CCDC171: variants seen among roughly 807,000 people sequenced by gnomAD.
CCDC171 encodes the protein coiled-coil domain-containing protein 171.
In CCDC171, 177 loss-of-function variants were observed where a neutral mutation model predicts 168.2. The ratio of observed to expected loss-of-function variants is 1.05; its 90% confidence interval spans 0.93 to 1.19. The LOEUF (loss-of-function observed/expected upper bound fraction) is 1.19, where lower values mean the gene tolerates loss of function less well. CCDC171 is among the 50% of genes most tolerant of loss of function. The probability of loss-of-function intolerance (pLI) is 0.00; values close to 1 mark genes in which losing one functional copy is unlikely to be tolerated. For missense variants in CCDC171, 1,991 were observed against 1,539.0 expected (o/e 1.29, Z -4.91); for synonymous variants, 687 against 540.8 (o/e 1.27, Z -3.75).
chr9:16,000,624 T>C (rs947244592), intron 3 of CCDC171, among the ~76,000 whole-genome samples: 3 of 152,154 alleles, frequency 2.0e-5, no homozygotes, highest in African/African-American at 7.2e-5. Context: ...GAGTGTCCCA[T>C]ATCTTGCCAG....
At chr9:15,864,684 T>C (rs74974147) in intron 23 of CCDC171, among the ~76,000 whole-genome samples, 1,859 of 152,210 alleles carry the variant, frequency 0.012, 31 homozygotes, top group Non-Finnish European at 0.014. Context: ...GATAGGATAA[T>C]GCCTAGATGA....
At chr9:15,946,608 T>A (rs998253655) in intron 25 of CCDC171, among the ~76,000 whole-genome samples, 1 of 151,992 alleles carries the variant, frequency 6.6e-6, no homozygotes, top group Non-Finnish European at 1.5e-5. Context: ...AGGTAATTTC[T>A]ACATTCAATG....
rs1251773648 is a variant in CCDC171, at chr9:15,846,804, G to C, written c.3370G>C (p.Glu1124Gln). ...QLEQDKRRLE[E>Q]NIHDAESALR... ...GGAGCAGGACAAGCGTCGACTGGAG[G>C]AGAACATCCATGATGCAGAGAGTGC... Residue 1124 changes from glutamate to glutamine, a missense_variant, in exon 22 of 26, where the codon GAG becomes CAG. Coordinates refer to ENST00000380701, the MANE Select transcript of CCDC171 (RefSeq NM_173550.4). 1 of 1,611,084 alleles carries C rather than the reference G, an allele frequency of 6.2e-7. No homozygotes were observed. Among genetic ancestry groups the C allele is most frequent in the East Asian group, 2.2e-5 (1 of 44,786 alleles).
intron 24 of CCDC171, among the ~76,000 whole-genome samples, chr9:15,914,305 C>T (rs960311177): frequency 3.9e-5 from 6 of 152,180 alleles, no homozygotes; most frequent in African/African-American, 1.4e-4. Flanking sequence ...CTATAAGCCC[C>T]TCACTGGGGC....
chr9:15,834,071 C>T (rs1323031150), intron 21 of CCDC171, among the ~76,000 whole-genome samples: 1 of 151,860 alleles, frequency 6.6e-6, no homozygotes, highest in Non-Finnish European at 1.5e-5. Flanking sequence ...TTCAGTGGGC[C>T]CAATTTTAAA....
intron 23 of CCDC171, among the ~76,000 whole-genome samples, chr9:15,858,675 T>A (rs763135951): frequency 9.9e-5 from 15 of 152,074 alleles, no homozygotes; most frequent in Non-Finnish European, 1.5e-4. Flanking sequence ...TGGTTATAAG[T>A]GTGATTTTTT....
At chr9:16,052,593 C>G (rs1373674199) in intron 1 of CCDC171, among the ~76,000 whole-genome samples, 1 of 152,134 alleles carries the variant, frequency 6.6e-6, no homozygotes, top group Non-Finnish European at 1.5e-5. Context: ...AATTTGCCTC[C>G]TAAACCTCCT....
intron 3 of CCDC171, among the ~76,000 whole-genome samples, chr9:15,981,853 A>C (rs371361164): frequency 6.6e-6 from 1 of 152,280 alleles, no homozygotes; most frequent in East Asian, 1.9e-4. Context: ...TATTTGAAAA[A>C]GCGTCTGAAG....
chr9:15,859,413 C>A (rs993281235), intron 23 of CCDC171, among the ~76,000 whole-genome samples: 4 of 151,494 alleles, frequency 2.6e-5, no homozygotes, highest in Non-Finnish European at 5.9e-5. Context: ...AAATATATTT[C>A]GAAGTTTTCC....
In CCDC171 at chr9:15,577,042, A is replaced by G. The variant is rs903389157; in HGVS notation, c.178-1807A>G. On this transcript the variant is annotated intron_variant, in intron 3 of 25. Coordinates refer to ENST00000380701, the MANE Select transcript of CCDC171 (RefSeq NM_173550.4). ...GAGTTCATAGTTTTTAGGTTTGTTT[A>G]ATTCTGAAAGTCCTCATCCTATGTT... Among the ~76,000 whole-genome samples, 9 of 152,190 alleles carry G rather than the reference A, an allele frequency of 5.9e-5. No homozygotes were observed. The East Asian group carries it at 7.7e-4, about 13-fold the overall frequency.
At chr9:15,927,056 A>G (rs1825973246) in intron 25 of CCDC171, among the ~76,000 whole-genome samples, 1 of 151,712 alleles carries the variant, frequency 6.6e-6, no homozygotes, top group Non-Finnish European at 1.5e-5. Context: ...TCAAAAACAT[A>G]TGTCATGTCA....
intron 3 of CCDC171, among the ~76,000 whole-genome samples, chr9:16,016,698 G>T (rs569696356): frequency 6.6e-6 from 1 of 152,272 alleles, no homozygotes; most frequent in African/African-American, 2.4e-5. Context: ...CGAAAAACAG[G>T]TTGCCACTTG....
intron 21 of CCDC171, among the ~76,000 whole-genome samples, chr9:15,812,398 G>A (rs7866641): frequency 0.46 from 69,520 of 151,996 alleles, 16,223 homozygotes; most frequent in African/African-American, 0.53. Context: ...ACATGCACTG[G>A]TTGGAAGCAA....
rs974481418 is a variant in CCDC171, at chr9:15,571,774, C to A, written c.177+15C>A. The A allele has an allele frequency of 6.4e-7, 1 of 1,559,680 alleles. No individual in the cohort carries two copies. Among genetic ancestry groups the A allele is most frequent in the Non-Finnish European group, 8.6e-7 (1 of 1,163,396 alleles). On this transcript the variant is annotated intron_variant, in intron 3 of 25. Coordinates refer to ENST00000380701, the MANE Select transcript of CCDC171 (RefSeq NM_173550.4). ...ACAATGCAGAGGTACGATTTATTTT[C>A]CTCTCAAATAATGTTAAAAGTTGAG... is the stretch of plus-strand genomic sequence containing the variant.
At chr9:15,604,150 C>G (rs1298696804) in intron 6 of CCDC171, among the ~76,000 whole-genome samples, 3 of 150,586 alleles carry the variant, frequency 2.0e-5, no homozygotes, top group Admixed American at 2.0e-4. Flanking sequence ...GGATGTTAGA[C>G]CTTTGTCAGA....
At chr9:15,684,748 A>G (rs1352211513) in intron 10 of CCDC171, among the ~76,000 whole-genome samples, 2 of 152,186 alleles carry the variant, frequency 1.3e-5, no homozygotes, top group African/African-American at 2.4e-5. Context: ...ATATAAAGGT[A>G]GTTTGTTATC....
chr9:15,939,641 G>A (rs903229980), intron 25 of CCDC171, among the ~76,000 whole-genome samples: 4 of 151,830 alleles, frequency 2.6e-5, no homozygotes, highest in African/African-American at 4.8e-5. Context: ...GGGAGTGGGA[G>A]AAGCCTAGAG....
intron 9 of CCDC171, among the ~76,000 whole-genome samples, chr9:15,675,406 C>G (rs1374081976): frequency 6.6e-6 from 1 of 152,096 alleles, no homozygotes; most frequent in South Asian, 2.1e-4. Context: ...TGAATCTGAT[C>G]CTGTCATTAT....
intron 17 of CCDC171, among the ~76,000 whole-genome samples, chr9:15,745,114 A>T (rs2134664033): frequency 6.6e-6 from 1 of 152,336 alleles, no homozygotes; most frequent in East Asian, 1.9e-4. Flanking sequence ...GTTTCAAATT[A>T]CCAGTATAAT....
Sources: allele counts gnomAD v4.1 joint callset (sites outside exome capture counted in the v4.1 genomes callset), GRCh38; gene constraint gnomAD v4.1.1; transcripts MANE v1.5; gene names NCBI Gene and HGNC (gene_info 2026-07-23, HGNC 2026-07-21).